The following FAM169A variants were observed in gnomAD, a reference collection of about 807,000 sequenced individuals.
FAM169A encodes the protein soluble lamin-associated protein of 75 kDa.
In FAM169A, 24 loss-of-function variants were observed where a neutral mutation model predicts 75.7. The ratio of observed to expected loss-of-function variants is 0.32; its 90% confidence interval spans 0.23 to 0.45. The LOEUF is 0.45. Ranked by LOEUF, FAM169A falls within the 20% of genes least tolerant of loss-of-function variation. The pLI is 1.00. For missense variants in FAM169A, 673 were observed against 784.0 expected, an observed-to-expected ratio of 0.86 and a Z score of 1.69; for synonymous variants, 271 against 271.0, an observed-to-expected ratio of 1.00 and a Z score of 0.00.
At chr5:74,790,437 G>C (rs371308737) in intron 11 of FAM169A, among the ~76,000 whole-genome samples, 5 of 152,186 alleles carry the variant, frequency 3.3e-5, no homozygotes, top group East Asian at 3.8e-4. Flanking sequence ...TTTGGATGAC[G>C]GTCAGGGACT....
At chr5:74,787,986 T>C (rs751327331) in intron 11 of FAM169A, among the ~76,000 whole-genome samples, 7 of 152,062 alleles carry the variant, frequency 4.6e-5, no homozygotes, top group Non-Finnish European at 8.8e-5. Flanking sequence ...CCCACTACAG[T>C]AGAGACAATT....
Position 74,782,974 on chromosome 5 carries a change from A to G in FAM169A, c.1421T>C (p.Val474Ala), listed in dbSNP as rs1227442159. 1 of 1,613,860 alleles carries G rather than the reference A, an allele frequency of 6.2e-7. No homozygotes were observed. The highest frequency in any genetic ancestry group is 8.5e-7 in the Non-Finnish European group (1 of 1,179,874). Reference sequence around the variant, plus strand: ...CTCAGGGGGTTTTGAAGATTCTACCACCAGTGGAACAAGATTTGTAGAGTC... The same window carrying G: ...CTCAGGGGGTTTTGAAGATTCTACCGCCAGTGGAACAAGATTTGTAGAGTC... ...SEDSTNLVPL[V>A]VESSKPPEVD... is the part of the protein sequence containing the mutation. The change falls in exon 12 of 13, where the codon GTG becomes GCG. Residue 474 changes from valine to alanine, a missense_variant. By Grantham distance (64) the Val-to-Ala change is moderately conservative (BLOSUM62 0). Transcript: ENST00000687041.
At chr5:74,834,841 G>A (rs1018050087) in intron 4 of FAM169A, among the ~76,000 whole-genome samples, 1 of 151,408 alleles carries the variant, frequency 6.6e-6, no homozygotes. Context: ...ATTCTAAATC[G>A]GGCAAAAAAC....
intron 5 of FAM169A, among the ~76,000 whole-genome samples, chr5:74,829,912 G>A (rs955755658): frequency 4.6e-5 from 7 of 152,146 alleles, no homozygotes; most frequent in Non-Finnish European, 2.9e-5. Context: ...GGCAGAGGTT[G>A]AAGTTAGCCG....
chr5:74,799,303 T>C (rs540212140), intron 10 of FAM169A: 2 of 1,584,842 alleles, frequency 1.3e-6, no homozygotes, highest in Non-Finnish European at 1.7e-6. Context: ...TTTTGTGAAG[T>C]GGTCCGCCCT....
intron 6 of FAM169A, among the ~76,000 whole-genome samples, chr5:74,810,486 A>C (rs1427029244): frequency 6.6e-6 from 1 of 152,076 alleles, no homozygotes; most frequent in Non-Finnish European, 1.5e-5. Flanking sequence ...GCGGTGGCTC[A>C]CGCCTGTAAT....
chr5:74,815,223 C>T (rs1037766971), intron 5 of FAM169A, among the ~76,000 whole-genome samples: 2 of 149,740 alleles, frequency 1.3e-5, no homozygotes, highest in African/African-American at 4.9e-5. Context: ...GAATTTCACT[C>T]TTGTTGCCGA....
chr5:74,806,905 G>A (rs1262275044), intron 6 of FAM169A, among the ~76,000 whole-genome samples: 2 of 152,098 alleles, frequency 1.3e-5, no homozygotes, highest in Non-Finnish European at 2.9e-5. Context: ...CAAAGATAAA[G>A]ATGATAAACC....
At position 74,780,216 on chromosome 5, in the gene FAM169A, G is replaced by GATGATTGAAGCCTCCAAT. The variant is rs1303581648; in HGVS notation, c.*1226_*1243dup. 1 of 152,080 alleles carries GATGATTGAAGCCTCCAAT rather than the reference G, an allele frequency of 6.6e-6. No homozygotes were observed. Among genetic ancestry groups the GATGATTGAAGCCTCCAAT allele is most frequent in the Non-Finnish European group, 1.5e-5 (1 of 68,024 alleles). 9.4% of individuals were successfully genotyped at this position (152,080 alleles called of 1,614,324 possible). A position where few individuals can be genotyped will look rare whatever the true frequency, so the allele number is the denominator to read the frequency against. On this transcript the variant is annotated 3_prime_UTR_variant, in exon 13 of 13. Transcript: ENST00000687041. ...AACCAGTACTCAGTACAAATCAAAG[G>GATGATTGAAGCCTCCAAT]ATGATTGAAGCCTCCAATATGATTG...
At chr5:74,829,699 C>A (rs895275772) in intron 5 of FAM169A, among the ~76,000 whole-genome samples, 1 of 152,146 alleles carries the variant, frequency 6.6e-6, no homozygotes, top group Non-Finnish European at 1.5e-5. Context: ...GCCCGACAGG[C>A]GTGGTGACTC....
chr5:74,816,849 C>A (rs940755155), intron 5 of FAM169A, among the ~76,000 whole-genome samples: 15 of 152,112 alleles, frequency 9.9e-5, no homozygotes, highest in African/African-American at 3.6e-4. Context: ...GTTATTCACC[C>A]CCCAAGACTT....
intron 8 of FAM169A, among the ~76,000 whole-genome samples, chr5:74,803,966 C>T (rs1392675250): frequency 1.3e-5 from 2 of 151,876 alleles, no homozygotes; most frequent in African/African-American, 4.8e-5. Flanking sequence ...TTTAAGGATC[C>T]TATGTTAAGG....
intron 5 of FAM169A, among the ~76,000 whole-genome samples, chr5:74,832,026 T>C (rs1748337267): frequency 6.6e-6 from 1 of 152,090 alleles, no homozygotes; most frequent in Non-Finnish European, 1.5e-5. Flanking sequence ...TTAAGATAAA[T>C]TCAGGAACCA....
At chr5:74,845,115 C>T (rs1050336864) in intron 1 of FAM169A, among the ~76,000 whole-genome samples, 3 of 152,104 alleles carry the variant, frequency 2.0e-5, no homozygotes, top group Non-Finnish European at 4.4e-5. Context: ...GATTGACATA[C>T]GCTGTAACAG....
chr5:74,788,575 C>T (rs1384367526), intron 11 of FAM169A, among the ~76,000 whole-genome samples: 1 of 152,064 alleles, frequency 6.6e-6, no homozygotes, highest in Non-Finnish European at 1.5e-5. Flanking sequence ...CATGGTGGCA[C>T]ATGCCTGTAA....
chr5:74,866,583 CCACCCGCGCCCCCTCTCTCCGCCCCGG>C, upstream of FAM169A: 1 of 552,584 alleles, frequency 1.8e-6, no homozygotes, highest in Non-Finnish European at 2.3e-6. Context: ...CCCCGCCTCG[CCACCCGCGCCCCCTCTCTCCGCCCCGG>C]CCGCCGTCAC....
chr5:74,848,413 T>C (rs1261180810), intron 1 of FAM169A, among the ~76,000 whole-genome samples: 1 of 152,190 alleles, frequency 6.6e-6, no homozygotes, highest in African/African-American at 2.4e-5. Context: ...CAATCAGATA[T>C]ACTTTTAAAT....
chr5:74,784,791 C>T (rs1248253284), intron 11 of FAM169A, among the ~76,000 whole-genome samples: 4 of 150,472 alleles, frequency 2.7e-5, no homozygotes, highest in South Asian at 2.1e-4. Flanking sequence ...TGGTGGCAGG[C>T]GCCTGTAGTC....
intron 1 of FAM169A, among the ~76,000 whole-genome samples, chr5:74,849,280 AAG>A (rs1749317510): frequency 1.3e-5 from 2 of 152,312 alleles, no homozygotes; most frequent in East Asian, 1.9e-4. Flanking sequence ...AAAGCATGAA[AAG>A]AGTTAGAAAA....
Sources: gnomAD v4.1 joint callset for allele counts (sites outside exome capture counted in the v4.1 genomes callset) on GRCh38, gnomAD v4.1.1 for gene constraint, MANE v1.5 for transcripts, NCBI Gene and HGNC (gene_info 2026-07-23, HGNC 2026-07-21) for gene names.